Variants in ARRDC4 observed in about 807,000 individuals in gnomAD.
The protein encoded by ARRDC4 is arrestin domain containing 4, also known as arrestin domain-containing protein 4.
In ARRDC4, 40 loss-of-function variants were observed where a neutral mutation model predicts 44.6. The observed-to-expected ratio is 0.90, with a 90% CI of 0.70 to 1.17. ARRDC4 has a LOEUF of 1.17. ARRDC4 is among the 50% of genes most tolerant of loss of function. ARRDC4 has a pLI of 0.00. For missense variants in ARRDC4, 550 were observed against 559.1 expected (o/e 0.98, Z 0.16); for synonymous variants, 211 against 221.2 (o/e 0.95, Z 0.41).
Position 97,965,860 on chromosome 15 carries a change from G to C in ARRDC4, c.375-35G>C, listed in dbSNP as rs746718183. ...TTTTTTGGCTTTGTTTAACTGAAAA[G>C]TAAACTCATAATTAATGTCTTTGGT... is the stretch of plus-strand genomic sequence containing the variant. On this transcript the variant is annotated intron_variant, in intron 2 of 7. Coordinates refer to ENST00000268042, the MANE Select transcript of ARRDC4 (RefSeq NM_183376.3). This position sits in a 1 kb window ranked among gnomAD's most constrained non-coding sequence, Gnocchi z 5.1. The C allele has an allele frequency of 1.3e-6, 2 of 1,599,106 alleles. No homozygotes were observed. The highest frequency in any genetic ancestry group is 1.7e-6 in the Non-Finnish European group (2 of 1,173,606).
rs1434606890 is a variant in ARRDC4 at position 97,970,028 on chromosome 15, TGC to T, written c.1029_1030del (p.Pro344ArgfsTer4). On this transcript the variant is annotated frameshift_variant, in exon 6 of 8. Transcript: ENST00000268042. LOFTEE classifies it high-confidence loss of function. The surrounding 1 kb of genome is among the most constrained non-coding windows in gnomAD (Gnocchi z 4.2). ...GATATGAGCTGGTTGACACTGACCCTGCCAGAGCAGCCTGAAGGTAAAATATG... is the reference window on the plus strand; with the variant it reads ...GATATGAGCTGGTTGACACTGACCCTCAGAGCAGCCTGAAGGTAAAATATG... 1 of 1,609,774 alleles carries T rather than the reference TGC, an allele frequency of 6.2e-7. No homozygotes were observed. Among genetic ancestry groups the T allele is most frequent in the Non-Finnish European group, 8.5e-7 (1 of 1,177,714 alleles).
chr15:97,964,543 C>G (rs1899381608), intron 1 of ARRDC4, among the ~76,000 whole-genome samples: 1 of 152,162 alleles, frequency 6.6e-6, no homozygotes, highest in Non-Finnish European at 1.5e-5. Flanking sequence ...GTGCCTTCAT[C>G]AGAGGTTTCA....
rs1039402918 is a variant in ARRDC4, at chr15:97,965,905, A to C, written c.385A>C (p.Thr129Pro). Residue 129 changes from threonine to proline, a missense_variant, in exon 3 of 8, where the codon ACC (threonine) becomes CCC (proline). By Grantham distance (38) the Thr-to-Pro change is conservative. Transcript: ENST00000268042. The surrounding 1 kb of genome is among the most constrained non-coding windows in gnomAD (Gnocchi z 5.1). ...TTTGGTTGGTTTCAGACCTTTGGTC[A>C]CCTCGTTTACTGGGAAATATGGAAG... is the stretch of plus-strand genomic sequence containing the variant. ...RFQLPSEPLV[T>P]SFTGKYGSIQ... 3.7e-6 allele frequency: 6 copies of C among 1,613,850 alleles called. No individual in the cohort carries two copies. The African/African-American group carries it at 8.0e-5, about 22-fold the overall frequency.
rs977922737 is a variant in ARRDC4 at position 97,971,314 on chromosome 15, T to C, written c.*127T>C. ...AAATGAACGTCAAGACTGAAGGCAA[T>C]AGAAATTAAAGAATGTGAGAAAGTT... On this transcript the variant is annotated 3_prime_UTR_variant, in exon 8 of 8. Coordinates refer to ENST00000268042, the MANE Select transcript of ARRDC4 (RefSeq NM_183376.3). The C allele has an allele frequency of 5.1e-5, 49 of 963,588 alleles. No individual in the cohort carries two copies. The highest frequency in any genetic ancestry group is 1.4e-4 in the South Asian group (9 of 65,506). 59.7% of individuals were successfully genotyped at this position (963,588 alleles called of 1,614,324 possible).
chr15:97,973,762 AG>A lies in ARRDC4; in HGVS notation c.*2577del, dbSNP rs939989000. 6 of 151,520 alleles carry A rather than the reference AG, an allele frequency of 4.0e-5. No individual in the cohort carries two copies. Among genetic ancestry groups the A allele is most frequent in the African/African-American group, 1.5e-4 (6 of 41,378 alleles). 9.4% of individuals were successfully genotyped at this position (151,520 alleles called of 1,614,324 possible). ...TTAAAAATGTAACAATTTAACCCAC[AG>A]GAAAAAAAATTACTTTGTATGCTTG... On this transcript the variant is annotated 3_prime_UTR_variant, in exon 8 of 8. Transcript: ENST00000268042.
rs576977499 is a variant in ARRDC4, at chr15:97,964,647, T to G, written c.308-953T>G. 3.7e-4 allele frequency among the ~76,000 whole-genome samples: 56 copies of G among 152,278 alleles called. No individual in the cohort carries two copies. The East Asian group carries it at 0.011, about 29-fold the overall frequency. ...GCTTCTGCCTGAAATAAAATGGAGCTGGTAACCCAAAGCTGAGAAAAGGGC... is the reference window on the plus strand; with the variant it reads ...GCTTCTGCCTGAAATAAAATGGAGCGGGTAACCCAAAGCTGAGAAAAGGGC... On this transcript the variant is annotated intron_variant, in intron 1 of 7. Coordinates refer to ENST00000268042, the MANE Select transcript of ARRDC4 (RefSeq NM_183376.3).
At chr15:97,971,028 C>T in intron 7 of ARRDC4, 103 bp from the exon 8 acceptor site, 1 of 1,304,834 alleles carries the variant, frequency 7.7e-7, no homozygotes. Flanking sequence ...CTTACACAGG[C>T]TCTGACCAGC....
Position 97,969,174 on chromosome 15 carries a change from T to C in ARRDC4, c.677T>C (p.Ile226Thr), listed in dbSNP as rs201194372. Reference protein sequence around the residue: ...AEIENCSSRLIVPKAAIFQTQ... With the variant: ...AEIENCSSRLTVPKAAIFQTQ... ...ATAGAAAATTGTTCCTCTCGTCTGA[T>C]TGTTCCAAAGGCTGCTATTTTCCAA... The change falls in exon 5 of 8, where the codon ATT becomes ACT. Residue 226 changes from isoleucine (I) to threonine (T), a missense_variant. Coordinates refer to ENST00000268042, the MANE Select transcript of ARRDC4 (RefSeq NM_183376.3). The C allele has an allele frequency of 6.2e-7, 1 of 1,613,934 alleles. No homozygotes were observed. Among genetic ancestry groups the C allele is most frequent in the Non-Finnish European group, 8.5e-7 (1 of 1,179,858 alleles).
Position 97,970,149 on chromosome 15 carries a change from C to T in ARRDC4, c.1045+104C>T, listed in dbSNP as rs1264383940. 2 of 1,174,172 alleles carry T rather than the reference C, an allele frequency of 1.7e-6. No homozygotes were observed. The highest frequency in any genetic ancestry group is 2.3e-6 in the Non-Finnish European group (2 of 869,478). 72.7% of individuals were successfully genotyped at this position (1,174,172 alleles called of 1,614,324 possible). A position where few individuals can be genotyped will look rare whatever the true frequency, so the allele number is the denominator to read the frequency against. On this transcript the variant is annotated intron_variant, in intron 6 of 7. Transcript: ENST00000268042. The surrounding 1 kb of genome is among the most constrained non-coding windows in gnomAD (Gnocchi z 4.2). ...GCTCAGATGTTGATGAGTACTGCTA[C>T]TATAGGTATCTTTATTCCTACTACT...
Position 97,971,190 on chromosome 15 carries a change from G to GT in ARRDC4, c.*4dup. ...AGCCTGTTTCCTTCATTCTCTGAAC[G>GT]TATTTCAGAAATCACTGTGTTCATC... On this transcript the variant is annotated 3_prime_UTR_variant, in exon 8 of 8. Transcript: ENST00000268042. 1 of 1,612,108 alleles carries GT rather than the reference G, an allele frequency of 6.2e-7. No individual in the cohort carries two copies. Among genetic ancestry groups the GT allele is most frequent in the South Asian group, 1.1e-5 (1 of 91,032 alleles).
chr15:97,971,067 A>G (rs1899503753), intron 7 of ARRDC4, 64 bp from the exon 8 acceptor site: 1 of 1,527,164 alleles, frequency 6.5e-7, no homozygotes, highest in Admixed American at 1.7e-5. Flanking sequence ...ATAATTACAA[A>G]TAGGTACTAG....
rs562561590 is a variant in ARRDC4 at position 97,973,173 on chromosome 15, G to A, written c.*1986G>A. 6.6e-6 allele frequency: 1 copy of A among 152,438 alleles called. No homozygotes were observed. Among genetic ancestry groups the A allele is most frequent in the East Asian group, 1.9e-4 (1 of 5,190 alleles). 9.4% of individuals were successfully genotyped at this position (152,438 alleles called of 1,614,324 possible). A position where few individuals can be genotyped will look rare whatever the true frequency, so the allele number is the denominator to read the frequency against. ...CTGCCAAGGCATTGTTCGACTCCAT[G>A]ATACTAAAACATAATGAAAGAAACA... On this transcript the variant is annotated 3_prime_UTR_variant, in exon 8 of 8. Transcript: ENST00000268042.
chr15:97,961,062 G>A lies in ARRDC4; in HGVS notation c.201G>A (p.Trp67Ter). The A allele has an allele frequency of 1.4e-6, 2 of 1,429,170 alleles. No individual in the cohort carries two copies. Among genetic ancestry groups the A allele is most frequent in the African/African-American group, 3.0e-5 (2 of 66,946 alleles). 88.5% of individuals were successfully genotyped at this position (1,429,170 alleles called of 1,614,324 possible). ...CCCAGGGGCGCGCCACCGCCGCCTGGGGCCCGAGCACCTGCCCCCGCGCCT... is the reference window on the plus strand; with the variant it reads ...CCCAGGGGCGCGCCACCGCCGCCTGAGGCCCGAGCACCTGCCCCCGCGCCT... ...LEAQGRATAA[W>*]GPSTCPRASA... Residue 67 changes from tryptophan (W) to a stop codon, truncating the protein, a stop_gained, in exon 1 of 8, where the codon TGG becomes TGA. Transcript: ENST00000268042. LOFTEE classifies it high-confidence loss of function.
rs1899302157 is a variant in ARRDC4 at position 97,960,990 on chromosome 15, G to A, written c.129G>A (p.Leu43=). The change falls in exon 1 of 8, where the codon CTG becomes CTA. Residue 43 remains leucine (L), a synonymous_variant. Coordinates refer to ENST00000268042, the MANE Select transcript of ARRDC4 (RefSeq NM_183376.3). ...GCGAGACAGTGGCCGGGCACGTGCTGCTGGAGGCGTCCGAGCCGGTGGCCC... is the reference window on the plus strand; with the variant it reads ...GCGAGACAGTGGCCGGGCACGTGCTACTGGAGGCGTCCGAGCCGGTGGCCC... The part of the protein sequence containing the change: ...SSGETVAGHV[L]LEASEPVALR... 1 of 1,455,910 alleles carries A rather than the reference G, an allele frequency of 6.9e-7. No individual in the cohort carries two copies. Among genetic ancestry groups the A allele is most frequent in the South Asian group, 1.3e-5 (1 of 74,948 alleles). The allele number at this position is 1,455,910 out of a possible 1,614,324, so 90.2% of individuals were successfully genotyped here. A position where few individuals can be genotyped will look rare whatever the true frequency, so the allele number is the denominator to read the frequency against.
rs1899397546 is a variant in ARRDC4, at chr15:97,965,392, A to C, written c.308-208A>C. Reference sequence around the variant, plus strand: ...AAGGCCGTAGCACTCTGGCCTGGGCAATAGAGCGAGACCCTGTCTCTAAAA... The same window carrying C: ...AAGGCCGTAGCACTCTGGCCTGGGCCATAGAGCGAGACCCTGTCTCTAAAA... On this transcript the variant is annotated intron_variant, in intron 1 of 7. Transcript: ENST00000268042. The surrounding 1 kb of genome is among the most constrained non-coding windows in gnomAD (Gnocchi z 5.1). Among the ~76,000 whole-genome samples the C allele has an allele frequency of 6.6e-6, 1 of 151,946 alleles. No individual in the cohort carries two copies. The highest frequency in any genetic ancestry group is 6.6e-5 in the Admixed American group (1 of 15,266).
rs1360996022 is a variant in ARRDC4, at chr15:97,965,766, T to C, written c.374+100T>C. On this transcript the variant is annotated intron_variant, in intron 2 of 7. Coordinates refer to ENST00000268042, the MANE Select transcript of ARRDC4 (RefSeq NM_183376.3). The surrounding 1 kb of genome is among the most constrained non-coding windows in gnomAD (Gnocchi z 5.1). ...CTTCTGATTCTCAAGTATGCATGTTTACACTGAATAGTCCCTAAATAGACT... is the reference window on the plus strand; with the variant it reads ...CTTCTGATTCTCAAGTATGCATGTTCACACTGAATAGTCCCTAAATAGACT... 2 of 1,483,262 alleles carry C rather than the reference T, an allele frequency of 1.3e-6. No individual in the cohort carries two copies. Among genetic ancestry groups the C allele is most frequent in the Non-Finnish European group, 1.9e-6 (2 of 1,064,024 alleles). 91.9% of individuals were successfully genotyped at this position (1,483,262 alleles called of 1,614,324 possible). A position where few individuals can be genotyped will look rare whatever the true frequency, so the allele number is the denominator to read the frequency against.
Position 97,961,067 on chromosome 15 carries a change from C to A in ARRDC4, c.206C>A (p.Pro69Gln). 1 of 1,433,794 alleles carries A rather than the reference C, an allele frequency of 7.0e-7. No homozygotes were observed. Among genetic ancestry groups the A allele is most frequent in the Middle Eastern group, 2.5e-4 (1 of 4,078 alleles). 88.8% of individuals were successfully genotyped at this position (1,433,794 alleles called of 1,614,324 possible). A position where few individuals can be genotyped will look rare whatever the true frequency, so the allele number is the denominator to read the frequency against. ...GGGCGCGCCACCGCCGCCTGGGGCC[C>A]GAGCACCTGCCCCCGCGCCTCGGCC... Reference protein sequence around the residue: ...AQGRATAAWGPSTCPRASAST... With the variant: ...AQGRATAAWGQSTCPRASAST... Residue 69 changes from proline (P) to glutamine (Q), a missense_variant, in exon 1 of 8, where the codon CCG (proline) becomes CAG (glutamine). Pro to Gln is a moderately conservative substitution (Grantham distance 76). Coordinates refer to ENST00000268042, the MANE Select transcript of ARRDC4 (RefSeq NM_183376.3).
At chr15:97,971,072 T>C in intron 7 of ARRDC4, 59 bp from the exon 8 acceptor site, 1 of 1,534,924 alleles carries the variant, frequency 6.5e-7, no homozygotes, top group Non-Finnish European at 9.0e-7. Context: ...TACAAATAGG[T>C]ACTAGAATCG....
intron 1 of ARRDC4, among the ~76,000 whole-genome samples, chr15:97,964,484 G>A (rs1016017672): frequency 2.0e-5 from 3 of 152,086 alleles, no homozygotes; most frequent in Admixed American, 6.5e-5. Context: ...CTGACCAACC[G>A]TGAAAGCCAT....
Sources: allele counts gnomAD v4.1 joint callset (sites outside exome capture counted in the v4.1 genomes callset), GRCh38; gene constraint gnomAD v4.1.1; non-coding constraint Gnocchi (gnomAD v3.1); transcripts MANE v1.5; gene names NCBI Gene and HGNC (gene_info 2026-07-23, HGNC 2026-07-21).